Variants in TRAK1 observed in about 807,000 individuals in gnomAD.
TRAK1 encodes the protein trafficking kinesin-binding protein 1.
TRAK1 carries 33 observed loss-of-function variants against 92.1 expected under a neutral mutation model. The observed-to-expected ratio is 0.36, with a 90% CI of 0.27 to 0.48. The LOEUF (loss-of-function observed/expected upper bound fraction) is 0.48, where lower values mean the gene tolerates loss of function less well. Ranked by LOEUF, TRAK1 falls within the 20% of genes least tolerant of loss-of-function variation. TRAK1 has a pLI of 0.99. For synonymous variants in TRAK1, 521 were observed against 517.3 expected, an observed-to-expected ratio of 1.01 and a Z score of -0.10; for missense variants, 1,123 against 1,257.9, an observed-to-expected ratio of 0.89 and a Z score of 1.62.
chr3:42,110,737 G>C (rs1432934338), intron 1 of TRAK1, among the ~76,000 whole-genome samples: 1 of 152,176 alleles, frequency 6.6e-6, no homozygotes, highest in Admixed American at 6.6e-5. Context: ...TTGTGACCAG[G>C]AGAAAGGCAT....
In TRAK1 at chr3:42,223,395, C is replaced by T. The variant is rs1710544459; in HGVS notation, c.2520C>T (p.Asn840=). ...SESQTDVSVS[N]LNLVDKVRRF... is the part of the protein sequence containing the mutation. Reference sequence around the variant, plus strand: ...GCCAGACCGACGTGTCCGTCTCCAACCTCAACCTCGTGGACAAAGTCAGGA... The same window carrying T: ...GCCAGACCGACGTGTCCGTCTCCAATCTCAACCTCGTGGACAAAGTCAGGA... The change falls in exon 16 of 16, where the codon AAC becomes AAT. Residue 840 remains asparagine (N), a synonymous_variant. Coordinates refer to ENST00000327628, the MANE Select transcript of TRAK1 (RefSeq NM_001042646.3). The surrounding 1 kb of genome is among the most constrained non-coding windows in gnomAD (Gnocchi z 6.1). 6.2e-7 allele frequency: 1 copy of T among 1,614,120 alleles called. No homozygotes were observed. The highest frequency in any genetic ancestry group is 1.3e-5 in the African/African-American group (1 of 74,958).
intron 14 of TRAK1, chr3:42,211,284 A>G (rs575986241): frequency 3.0e-6 from 3 of 985,254 alleles, no homozygotes; most frequent in African/African-American, 3.5e-5. Context: ...CTTGGGATCA[A>G]CTTTTCCTTT....
chr3:42,166,770 T>C (rs1701917636), intron 2 of TRAK1, among the ~76,000 whole-genome samples: 1 of 152,246 alleles, frequency 6.6e-6, no homozygotes, highest in Non-Finnish European at 1.5e-5. Flanking sequence ...ATAGTGATAC[T>C]GATAAGCAAT....
chr3:42,220,564 G>C, intron 15 of TRAK1: 1 of 985,448 alleles, frequency 1.0e-6, no homozygotes, highest in South Asian at 4.7e-5. Flanking sequence ...ATAGGGCAGA[G>C]AGTCTGAGCC....
chr3:42,083,201 A>C (rs1200424091), upstream of TRAK1, among the ~76,000 whole-genome samples: 1 of 152,146 alleles, frequency 6.6e-6, no homozygotes, highest in Non-Finnish European at 1.5e-5. Context: ...TTGTTTTTTT[A>C]AAATCACTGT....
At chr3:42,105,776 C>G (rs1007365166) in intron 1 of TRAK1, among the ~76,000 whole-genome samples, 4 of 152,250 alleles carry the variant, frequency 2.6e-5, no homozygotes, top group African/African-American at 9.6e-5. Context: ...AGAGAAAGGT[C>G]GGGTTACCCA....
intron 1 of TRAK1, among the ~76,000 whole-genome samples, chr3:42,078,752 CAAAAAAAAAA>C (rs748321736): frequency 2.0e-5 from 1 of 49,650 alleles, no homozygotes; most frequent in African/African-American, 6.4e-5. Flanking sequence ...GATTCCATCT[CAAAAAAAAAA>C]AAAAAAAAAA....
At chr3:42,151,175 AG>A (rs1274562290) in intron 2 of TRAK1, among the ~76,000 whole-genome samples, 4 of 152,218 alleles carry the variant, frequency 2.6e-5, no homozygotes, top group Non-Finnish European at 5.9e-5. Flanking sequence ...CCATCCTAGA[AG>A]TGGAGGAAGA....
At chr3:42,019,436 C>A (rs1333464190) in intron 1 of TRAK1, among the ~76,000 whole-genome samples, 2 of 152,076 alleles carry the variant, frequency 1.3e-5, no homozygotes, top group East Asian at 3.9e-4. Flanking sequence ...GGCTAATTTT[C>A]TTTTCTTTTT....
At chr3:42,205,123 A>T (rs1023219500) in intron 13 of TRAK1, among the ~76,000 whole-genome samples, 8 of 152,196 alleles carry the variant, frequency 5.3e-5, no homozygotes, top group African/African-American at 1.9e-4. Context: ...GGTGAGGAGT[A>T]AATGTGAAGT....
intron 14 of TRAK1, chr3:42,212,035 A>C: frequency 1.0e-6 from 1 of 985,320 alleles, no homozygotes; most frequent in Non-Finnish European, 1.2e-6. Context: ...CAGAGGGGAG[A>C]GGGGAGAACA....
At chr3:42,041,163 TTTTGGTAGGAG>T (rs1221259573) in intron 1 of TRAK1, among the ~76,000 whole-genome samples, 1 of 151,174 alleles carries the variant, frequency 6.6e-6, no homozygotes, top group Non-Finnish European at 1.5e-5. Flanking sequence ...ACGGCTGGGA[TTTTGGTAGGAG>T]TTGCATTGAA....
At chr3:42,034,318 G>C (rs1702251413) in intron 1 of TRAK1, among the ~76,000 whole-genome samples, 1 of 152,150 alleles carries the variant, frequency 6.6e-6, no homozygotes, top group African/African-American at 2.4e-5. Context: ...TTGAGACAGA[G>C]TCTCACTGTG....
At chr3:42,077,284 GTTTCTTTT>G (rs1704203991) in intron 1 of TRAK1, among the ~76,000 whole-genome samples, 1 of 152,144 alleles carries the variant, frequency 6.6e-6, no homozygotes, top group Non-Finnish European at 1.5e-5. Flanking sequence ...CATGGAAAGT[GTTTCTTTT>G]TTTCTTTTTA....
rs369311474 is a variant in TRAK1 at position 42,183,670 on chromosome 3, C to A, written c.364-1015C>A. ...GTTAATAGCAGGTGTTGGATCAGAA[C>A]CTAGGACTCCTCCCCAGCATTTTTC... On this transcript the variant is annotated intron_variant, in intron 3 of 15. Transcript: ENST00000327628. 5.7e-4 allele frequency among the ~76,000 whole-genome samples: 86 copies of A among 152,150 alleles called. 2 individuals carry two copies. In the South Asian group the frequency reaches 0.016, roughly 29 times the overall value.
Position 42,113,723 on chromosome 3 carries a change from C to T in TRAK1, c.92-11697C>T, listed in dbSNP as rs151323138. ...AGCCACTGCACCTGGCCAAAAGCAC[C>T]GTTTTTCTTTTATAGAGACGGGATC... On this transcript the variant is annotated intron_variant, in intron 1 of 15. Coordinates refer to ENST00000327628, the MANE Select transcript of TRAK1 (RefSeq NM_001042646.3). Among the ~76,000 whole-genome samples the T allele has an allele frequency of 4.0e-5, 6 of 151,860 alleles. No individual in the cohort carries two copies. In the East Asian group the frequency reaches 9.7e-4, roughly 25 times the overall value.
intron 1 of TRAK1, among the ~76,000 whole-genome samples, chr3:42,025,864 T>C (rs1049236344): frequency 1.3e-5 from 2 of 152,234 alleles, no homozygotes; most frequent in African/African-American, 4.8e-5. Context: ...CCTTGTTCAC[T>C]TCCCACATAT....
intron 14 of TRAK1, chr3:42,210,420 A>G: frequency 1.5e-6 from 2 of 1,303,066 alleles, no homozygotes; most frequent in Non-Finnish European, 1.9e-6. Context: ...AAAAAAAAAA[A>G]AAAAAGTGGG....
At position 42,055,128 on chromosome 3, in the gene TRAK1, C is replaced by T. The variant is rs558323626; in HGVS notation, c.-518-31976C>T. 2.0e-5 allele frequency among the ~76,000 whole-genome samples: 3 copies of T among 152,016 alleles called. No homozygotes were observed. In the East Asian group the frequency reaches 5.8e-4, roughly 29 times the overall value. On this transcript the variant is annotated intron_variant, in intron 1 of 16. Coordinates refer to the TRAK1 transcript ENST00000487159. The stretch of plus-strand genomic sequence containing the variant: ...AGAGACAGGGTTTCGCCATGTTGGC[C>T]AGGCTGGCCTCAAACTCCTGACCTC...
Sources: gnomAD v4.1 joint callset for allele counts (sites outside exome capture counted in the v4.1 genomes callset) on GRCh38, gnomAD v4.1.1 for gene constraint, Gnocchi (gnomAD v3.1) non-coding constraint, MANE v1.5 for transcripts, NCBI Gene and HGNC (gene_info 2026-07-23, HGNC 2026-07-21) for gene names.